The following NEBL variants were observed in gnomAD, a reference collection of about 807,000 sequenced individuals.
NEBL encodes LIM and SH3 protein 2.
Under a neutral mutation model 140.2 loss-of-function variants are expected in NEBL, and 122 were observed. The observed-to-expected ratio is 0.87, with a 90% CI of 0.75 to 1.01. NEBL has a LOEUF of 1.01. Ranked by LOEUF, NEBL falls within the 50% of genes least tolerant of loss-of-function variation. The probability of loss-of-function intolerance (pLI) is 0.00; values close to 1 mark genes in which losing one functional copy is unlikely to be tolerated. For missense variants in NEBL, 1,365 were observed against 1,231.3 expected (o/e 1.11, Z -1.62); for synonymous variants, 436 against 398.9 (o/e 1.09, Z -1.11).
chr10:20,868,340 GTA>G (rs1554792758), intron 7 of NEBL: 3 of 267,906 alleles, frequency 1.1e-5, no homozygotes, highest in Non-Finnish European at 7.2e-6. Flanking sequence ...GTGTGTGTGT[GTA>G]GGTTAAAACA....
chr10:21,093,150 C>CTTTTTTTT (rs4025884), intron 2 of NEBL, among the ~76,000 whole-genome samples: 4 of 95,036 alleles, frequency 4.2e-5, no homozygotes, highest in Non-Finnish European at 6.1e-5. Context: ...AGCAACAAGT[C>CTTTTTTTT]TTTTTTTTTT....
chr10:20,926,813 G>A (rs1014015945), intron 4 of NEBL, among the ~76,000 whole-genome samples: 16 of 152,194 alleles, frequency 1.1e-4, no homozygotes, highest in African/African-American at 3.9e-4. Context: ...CGCAAACAGA[G>A]AGTAAACACA....
Position 20,808,586 on chromosome 10 carries a change from G to A in NEBL, c.2685C>T (p.Asp895=), listed in dbSNP as rs140245727. 2.6e-4 allele frequency: 426 copies of A among 1,613,358 alleles called. 2 individuals are homozygous for A. In the African/African-American group the frequency reaches 4.7e-3, roughly 18 times the overall value. ...AAATCTCGGAGATTTCTGACCTGTCGTCTCCGAGACCTGTACCGAAAGTAC... is the reference window on the plus strand; with the variant it reads ...AAATCTCGGAGATTTCTGACCTGTCATCTCCGAGACCTGTACCGAAAGTAC... ...SSSTFGTGLG[D]DRSEISEIYP... Residue 895 remains aspartate (D), a synonymous_variant, in exon 26 of 28, where the codon GAC becomes GAT. Coordinates refer to ENST00000377122, the MANE Select transcript of NEBL (RefSeq NM_006393.3).
intron 3 of NEBL, among the ~76,000 whole-genome samples, chr10:21,230,201 T>C (rs1842227117): frequency 2.6e-5 from 4 of 152,162 alleles, no homozygotes; most frequent in Non-Finnish European, 5.9e-5. Context: ...TAAAGAAATA[T>C]AAAGAATATG....
intron 4 of NEBL, among the ~76,000 whole-genome samples, chr10:20,942,840 G>C (rs1834953623): frequency 6.6e-6 from 1 of 152,218 alleles, no homozygotes; most frequent in African/African-American, 2.4e-5. Context: ...ATGAAAAAAT[G>C]CTCATCATCA....
intron 3 of NEBL, among the ~76,000 whole-genome samples, chr10:21,008,541 T>C (rs1721077292): frequency 6.6e-6 from 1 of 152,002 alleles, no homozygotes; most frequent in Non-Finnish European, 1.5e-5. Flanking sequence ...AACAAACATA[T>C]GAAAAAATGC....
At chr10:21,208,638 A>G (rs1163777260) in intron 3 of NEBL, among the ~76,000 whole-genome samples, 5 of 152,196 alleles carry the variant, frequency 3.3e-5, no homozygotes, top group Non-Finnish European at 5.9e-5. Flanking sequence ...AGAAGTCACC[A>G]TGAACCCAGG....
At chr10:21,224,652 A>G (rs557068207) in intron 3 of NEBL, among the ~76,000 whole-genome samples, 2 of 152,312 alleles carry the variant, frequency 1.3e-5, no homozygotes, top group South Asian at 2.1e-4. Context: ...ATATCTTTCC[A>G]CTGTTTTGTG....
chr10:20,891,903 T>C (rs898977063), intron 2 of NEBL, among the ~76,000 whole-genome samples: 5 of 152,162 alleles, frequency 3.3e-5, no homozygotes, highest in Non-Finnish European at 5.9e-5. Context: ...AATATTTATA[T>C]AAATATTAGA....
intron 3 of NEBL, among the ~76,000 whole-genome samples, chr10:21,228,126 AGTT>A (rs762748877): frequency 3.4e-4 from 51 of 149,846 alleles, no homozygotes; most frequent in Non-Finnish European, 5.8e-4. Context: ...TTTTTTTTCG[AGTT>A]GTTGTTGTTG....
At chr10:20,936,797 T>C (rs140909841) in intron 4 of NEBL, among the ~76,000 whole-genome samples, 1,711 of 152,308 alleles carry the variant, frequency 0.011, 24 homozygotes, top group African/African-American at 0.031. Context: ...GACCTGGTAA[T>C]CCAACACTGT....
At chr10:21,042,524 GTGGTATTA>G (rs1266655078) in intron 2 of NEBL, among the ~76,000 whole-genome samples, 6 of 152,194 alleles carry the variant, frequency 3.9e-5, no homozygotes, top group African/African-American at 1.4e-4. Flanking sequence ...ATGTTACTAC[GTGGTATTA>G]TGGTCTCTGC....
intron 21 of NEBL, chr10:20,815,953 A>G: frequency 4.2e-6 from 2 of 475,048 alleles, no homozygotes; most frequent in East Asian, 4.2e-5. Flanking sequence ...ATTTTTGTAG[A>G]GATTGAGTTT....
chr10:21,086,754 G>T (rs1262438925), intron 2 of NEBL, among the ~76,000 whole-genome samples: 1 of 152,206 alleles, frequency 6.6e-6, no homozygotes, highest in Non-Finnish European at 1.5e-5. Context: ...TCCAGCCTAG[G>T]TGACACAGCA....
chr10:21,076,085 C>T (rs761730161), intron 2 of NEBL, among the ~76,000 whole-genome samples: 1 of 151,718 alleles, frequency 6.6e-6, no homozygotes, highest in Non-Finnish European at 1.5e-5. Flanking sequence ...GCATTATCAG[C>T]GGTAATGTAA....
At chr10:20,881,995 A>G (rs962756562) in intron 4 of NEBL, among the ~76,000 whole-genome samples, 4 of 152,276 alleles carry the variant, frequency 2.6e-5, no homozygotes, top group Admixed American at 2.0e-4. Context: ...GCTCACGACA[A>G]AGTGAGGCTC....
intron 2 of NEBL, among the ~76,000 whole-genome samples, chr10:21,070,739 G>C (rs960462653): frequency 3.3e-5 from 5 of 152,138 alleles, no homozygotes; most frequent in African/African-American, 1.2e-4. Flanking sequence ...CAGAAATCTA[G>C]GCTGTGCTTG....
intron 20 of NEBL, 196 bp downstream of exon 20, chr10:20,819,228 G>A (rs901297706): frequency 9.1e-6 from 9 of 993,788 alleles, no homozygotes; most frequent in Admixed American, 5.2e-5. Context: ...ATCCTCTCCC[G>A]TCCAACAGGC....
At chr10:20,877,802 G>C (rs915842514) in intron 5 of NEBL, among the ~76,000 whole-genome samples, 2 of 152,122 alleles carry the variant, frequency 1.3e-5, no homozygotes, top group Admixed American at 6.5e-5. Context: ...ATGTAAATCA[G>C]AAACCGACTC....
Sources: gnomAD v4.1 joint callset for allele counts (sites outside exome capture counted in the v4.1 genomes callset) on GRCh38, gnomAD v4.1.1 for gene constraint, MANE v1.5 for transcripts, NCBI Gene and HGNC (gene_info 2026-07-23, HGNC 2026-07-21) for gene names.